The following TMTC2 variants were observed in gnomAD, a reference collection of about 807,000 sequenced individuals.
TMTC2 encodes the protein transmembrane O-mannosyltransferase targeting cadherins 2.
A neutral mutation model predicts 82.4 loss-of-function variants in TMTC2; 43 were observed. The ratio of observed to expected loss-of-function variants is 0.52; its 90% CI spans 0.41 to 0.67. TMTC2 has a LOEUF of 0.67. Ranked by LOEUF, TMTC2 falls within the 30% of genes least tolerant of loss-of-function variation. The pLI, the probability that TMTC2 is intolerant of heterozygous loss-of-function variation, is 0.00. For synonymous variants in TMTC2, 408 were observed against 381.9 expected (o/e 1.07, Z -0.80); for missense variants, 919 against 1,012.4 (o/e 0.91, Z 1.25).
chr12:82,973,667 C>T (rs1878544635), intron 7 of TMTC2, among the ~76,000 whole-genome samples: 1 of 152,194 alleles, frequency 6.6e-6, no homozygotes, highest in African/African-American at 2.4e-5. Context: ...AGTCTATACA[C>T]TACAAAGGCT....
intron 9 of TMTC2, among the ~76,000 whole-genome samples, chr12:83,033,104 G>T (rs181170116): frequency 6.6e-6 from 1 of 151,480 alleles, no homozygotes; most frequent in East Asian, 1.9e-4. Flanking sequence ...TCCTACTTTG[G>T]AGTTGGTAAT....
At chr12:82,996,293 G>C (rs186155198) in intron 8 of TMTC2, among the ~76,000 whole-genome samples, 3 of 152,160 alleles carry the variant, frequency 2.0e-5, no homozygotes, top group Admixed American at 6.5e-5. Context: ...CACACTGAAA[G>C]GGGTGAGGGT....
At chr12:83,072,695 A>G (rs1883158536) in intron 11 of TMTC2, among the ~76,000 whole-genome samples, 1 of 152,072 alleles carries the variant, frequency 6.6e-6, no homozygotes, top group South Asian at 2.1e-4. Flanking sequence ...TTAGGTGTGT[A>G]TATGTTTAGG....
chr12:82,893,503 G>C (rs896431709), intron 2 of TMTC2, among the ~76,000 whole-genome samples: 4 of 152,048 alleles, frequency 2.6e-5, no homozygotes, highest in Admixed American at 6.6e-5. Context: ...ATTTGACAAG[G>C]ATGTTTTTAA....
rs912249497 is a variant in TMTC2 at position 82,743,930 on chromosome 12, A to G, written c.83+56261A>G. 4.6e-5 allele frequency among the ~76,000 whole-genome samples: 7 copies of G among 152,006 alleles called. No individual in the cohort carries two copies. In the East Asian group the frequency reaches 7.7e-4, roughly 17 times the overall value. On this transcript the variant is annotated intron_variant, in intron 1 of 11. Coordinates refer to ENST00000321196, the MANE Select transcript of TMTC2 (RefSeq NM_152588.3). Reference sequence around the variant, plus strand: ...AGTTTTTCTATGTTTTAATTTTTGTATGATGGTTGGTTGCTATATTTCTAA... The same window carrying G: ...AGTTTTTCTATGTTTTAATTTTTGTGTGATGGTTGGTTGCTATATTTCTAA...
rs202212249 is a variant in TMTC2 at position 82,901,300 on chromosome 12, A to ATT, written c.1483+4662_1483+4663dup. ...GAGAGAGTAATATATATATATATAT[A>ATT]TTTTTTTTTCTTTTTTTTTTTTGAG... On this transcript the variant is annotated intron_variant, in intron 3 of 11. Coordinates refer to ENST00000321196, the MANE Select transcript of TMTC2 (RefSeq NM_152588.3). 1.0e-3 allele frequency among the ~76,000 whole-genome samples: 86 copies of ATT among 85,342 alleles called. 1 individual carries two copies. Among genetic ancestry groups the ATT allele is most frequent in the African/African-American group, 5.6e-3 (74 of 13,148 alleles). 56.0% of individuals were successfully genotyped at this position (85,342 alleles called of 152,430 possible).
At chr12:83,002,330 A>G (rs1879964706) in intron 8 of TMTC2, among the ~76,000 whole-genome samples, 1 of 151,824 alleles carries the variant, frequency 6.6e-6, no homozygotes, top group Non-Finnish European at 1.5e-5. Context: ...GCTTATTTGC[A>G]TCTTCTCTGT....
At position 82,896,232 on chromosome 12, in the gene TMTC2, G is replaced by C; in HGVS notation, c.1069G>C (p.Asp357His). The C allele has an allele frequency of 6.2e-7, 1 of 1,614,082 alleles. No individual in the cohort carries two copies. The highest frequency in any genetic ancestry group is 8.5e-7 in the Non-Finnish European group (1 of 1,180,028). The change falls in exon 3 of 12, where the codon GAT (aspartate) becomes CAT (histidine). Residue 357 changes from aspartate (D) to histidine (H), a missense_variant. Coordinates refer to ENST00000321196, the MANE Select transcript of TMTC2 (RefSeq NM_152588.3). The stretch of plus-strand genomic sequence containing the variant: ...TGCAAATGGACATAGCTGCCTTTCA[G>C]ATGTGGAGTACCAGAACTCAGAGAC... ...QNANGHSCLS[D>H]VEYQNSETKS...
At chr12:82,999,713 A>G (rs1879830598) in intron 8 of TMTC2, among the ~76,000 whole-genome samples, 1 of 152,222 alleles carries the variant, frequency 6.6e-6, no homozygotes. Context: ...TCACGAGAAC[A>G]GCATGGGAAA....
intron 1 of TMTC2, among the ~76,000 whole-genome samples, chr12:82,855,449 CATT>C (rs1316996916): frequency 6.6e-6 from 1 of 152,202 alleles, no homozygotes; most frequent in Non-Finnish European, 1.5e-5. Flanking sequence ...AGTTGAACAT[CATT>C]AAGACAGTCT....
intron 4 of TMTC2, among the ~76,000 whole-genome samples, chr12:82,957,826 C>T (rs976832263): frequency 6.6e-6 from 1 of 151,822 alleles, no homozygotes; most frequent in Non-Finnish European, 1.5e-5. Context: ...AAAACCTGAA[C>T]AGACTAATAC....
intron 4 of TMTC2, among the ~76,000 whole-genome samples, chr12:82,942,558 C>G (rs1281522721): frequency 2.0e-5 from 3 of 152,048 alleles, no homozygotes; most frequent in African/African-American, 7.2e-5. Flanking sequence ...TTATTTGAAA[C>G]TAGGGCAAAT....
intron 8 of TMTC2, among the ~76,000 whole-genome samples, chr12:83,011,272 G>T (rs1390274838): frequency 1.3e-5 from 2 of 152,202 alleles, no homozygotes; most frequent in Non-Finnish European, 2.9e-5. Flanking sequence ...GTTCTAGACT[G>T]CCTGGCTTGT....
chr12:82,779,023 C>G (rs377135592), intron 1 of TMTC2, among the ~76,000 whole-genome samples: 1 of 135,454 alleles, frequency 7.4e-6, no homozygotes, highest in Non-Finnish European at 1.5e-5. Context: ...GGCGACAGAG[C>G]GAGACTCCAT....
chr12:82,832,572 C>T (rs1869812527), intron 1 of TMTC2, among the ~76,000 whole-genome samples: 1 of 151,954 alleles, frequency 6.6e-6, no homozygotes, highest in South Asian at 2.1e-4. Context: ...AGTGTATCTT[C>T]CATAATTCAA....
chr12:82,689,267 A>G (rs1872475157), intron 1 of TMTC2, among the ~76,000 whole-genome samples: 1 of 151,770 alleles, frequency 6.6e-6, no homozygotes, highest in African/African-American at 2.4e-5. Context: ...GGGCGGTTTG[A>G]ATAGTAAGCA....
intron 11 of TMTC2, among the ~76,000 whole-genome samples, chr12:83,123,979 A>T (rs1447267896): frequency 6.6e-6 from 1 of 152,162 alleles, no homozygotes; most frequent in Non-Finnish European, 1.5e-5. Context: ...ATTTGTCTTC[A>T]TGCACTGGAC....
intron 3 of TMTC2, among the ~76,000 whole-genome samples, chr12:82,898,178 C>A (rs1873778424): frequency 6.6e-6 from 1 of 152,164 alleles, no homozygotes; most frequent in African/African-American, 2.4e-5. Context: ...TTTCTCAATT[C>A]TCTGTGAAAA....
At chr12:82,889,855 A>G (rs552612736) in intron 2 of TMTC2, among the ~76,000 whole-genome samples, 2 of 152,228 alleles carry the variant, frequency 1.3e-5, no homozygotes, top group East Asian at 3.9e-4. Context: ...ATATGGCTAT[A>G]CCATGATTTT....
Sources: allele counts gnomAD v4.1 joint callset (sites outside exome capture counted in the v4.1 genomes callset), GRCh38; gene constraint gnomAD v4.1.1; transcripts MANE v1.5; gene names NCBI Gene and HGNC (gene_info 2026-07-23, HGNC 2026-07-21).